The following KIAA1671 variants were observed in gnomAD, a reference collection of about 807,000 sequenced individuals.
The protein encoded by KIAA1671 is uncharacterized protein KIAA1671.
Under a neutral mutation model 131.2 loss-of-function variants are expected in KIAA1671, and 52 were observed. The observed-to-expected ratio is 0.40, with a 90% CI of 0.32 to 0.50. The LOEUF (loss-of-function observed/expected upper bound fraction) is 0.50, where lower values mean the gene tolerates loss of function less well. Among genes scored for constraint, KIAA1671 ranks in the 20% least tolerant of loss-of-function variants. The pLI, the probability that KIAA1671 is intolerant of heterozygous loss-of-function variation, is 0.73. For missense variants in KIAA1671, 2,360 were observed against 2,364.2 expected, an observed-to-expected ratio of 1.00 and a Z score of 0.04; for synonymous variants, 1,003 against 961.6, an observed-to-expected ratio of 1.04 and a Z score of -0.80.
intron 1 of KIAA1671, among the ~76,000 whole-genome samples, chr22:25,007,241 A>C (rs1406669866): frequency 6.6e-6 from 1 of 152,146 alleles, no homozygotes; most frequent in African/African-American, 2.4e-5. Context: ...TAATCCCAGC[A>C]CTTTGGGAGG....
At chr22:24,956,110 G>A (rs1250741631) in intron 1 of KIAA1671, among the ~76,000 whole-genome samples, 2 of 152,206 alleles carry the variant, frequency 1.3e-5, no homozygotes, top group Admixed American at 1.3e-4. Context: ...GAGACCAATG[G>A]TGTTGGAGGG....
At chr22:25,000,578 G>A (rs111871964) in intron 1 of KIAA1671, among the ~76,000 whole-genome samples, 3,249 of 150,106 alleles carry the variant, frequency 0.022, 62 homozygotes, top group Non-Finnish European at 0.033. Flanking sequence ...GTTCAGTGGC[G>A]CAGTCTTGGC....
At chr22:25,173,314 T>C (rs1008866158) in intron 7 of KIAA1671, among the ~76,000 whole-genome samples, 1 of 152,174 alleles carries the variant, frequency 6.6e-6, no homozygotes, top group African/African-American at 2.4e-5. Flanking sequence ...ACTTGTAGGA[T>C]TGTGGCAGTT....
chr22:25,167,881 G>GT (rs1461249062), intron 6 of KIAA1671, among the ~76,000 whole-genome samples: 2 of 152,214 alleles, frequency 1.3e-5, no homozygotes. Context: ...TTTATGGGAT[G>GT]TTTCCTGAGT....
At chr22:25,180,535 T>C (rs1225743531) in intron 9 of KIAA1671, among the ~76,000 whole-genome samples, 1 of 130,570 alleles carries the variant, frequency 7.7e-6, no homozygotes, top group Non-Finnish European at 1.7e-5. Context: ...AGACTCTGTC[T>C]CAAAAAAAAA....
At chr22:25,042,754 C>T (rs994754322) in intron 5 of KIAA1671, among the ~76,000 whole-genome samples, 13 of 151,894 alleles carry the variant, frequency 8.6e-5, no homozygotes, top group African/African-American at 2.2e-4. Context: ...ATTACAGGCG[C>T]GAGCCACTGC....
chr22:25,165,171 A>T (rs1187406153), intron 6 of KIAA1671, among the ~76,000 whole-genome samples: 1 of 152,194 alleles, frequency 6.6e-6, no homozygotes, highest in African/African-American at 2.4e-5. Context: ...GCTGATTAAC[A>T]GCTTGCTTTC....
intron 1 of KIAA1671, among the ~76,000 whole-genome samples, chr22:24,983,760 GA>G (rs2123833300): frequency 6.6e-6 from 1 of 151,062 alleles, no homozygotes; most frequent in Non-Finnish European, 1.5e-5. Flanking sequence ...TGGGGCCATG[GA>G]AAGGTGTTTG....
chr22:24,998,018 CA>C (rs1452224326), intron 1 of KIAA1671, among the ~76,000 whole-genome samples: 2 of 152,142 alleles, frequency 1.3e-5, no homozygotes, highest in Non-Finnish European at 2.9e-5. Flanking sequence ...CGTATTTATC[CA>C]TGTTTTCTTC....
chr22:24,970,516 A>G (rs1447167470), intron 1 of KIAA1671, among the ~76,000 whole-genome samples: 1 of 152,072 alleles, frequency 6.6e-6, no homozygotes, highest in Non-Finnish European at 1.5e-5. Flanking sequence ...AATGAGGCTA[A>G]TGGTAGGGCT....
At chr22:25,005,605 A>G (rs1234279431) in intron 1 of KIAA1671, among the ~76,000 whole-genome samples, 2 of 152,152 alleles carry the variant, frequency 1.3e-5, no homozygotes, top group South Asian at 2.1e-4. Flanking sequence ...TCATTAACCC[A>G]AGACCTCTAC....
intron 1 of KIAA1671, among the ~76,000 whole-genome samples, chr22:24,967,322 C>T (rs1396665520): frequency 2.6e-5 from 4 of 152,122 alleles, no homozygotes; most frequent in African/African-American, 9.7e-5. Flanking sequence ...AACGGAGGCT[C>T]AGAAAGATAA....
chr22:25,041,221 C>A lies in KIAA1671; in HGVS notation c.4091C>A (p.Pro1364His). ...EDPGSGVRVSPKSPPTDQKKG... is the reference protein window; with the variant it reads ...EDPGSGVRVSHKSPPTDQKKG... ...CCAGGCAGTGGGGTCAGGGTGTCAC[C>A]CAAATCGCCCCCCACTGACCAGAAG... The change falls in exon 5 of 13, where the codon CCC (proline) becomes CAC (histidine). Residue 1364 changes from proline (P) to histidine (H), a missense_variant. Physicochemically the swap from Pro to His is moderately conservative, Grantham distance 77. This residue lies in a region of KIAA1671 where 1,161 missense variants were observed against 1,204.7 expected (regional missense o/e 0.96). Coordinates refer to ENST00000358431, the MANE Select transcript of KIAA1671 (RefSeq NM_001145206.2). 6.4e-6 allele frequency: 10 copies of A among 1,551,754 alleles called. No individual in the cohort carries two copies. In the South Asian group the frequency reaches 1.2e-4, roughly 18 times the overall value.
At position 25,174,315 on chromosome 22, in the gene KIAA1671, G is replaced by C. The variant is rs1327371001; in HGVS notation, c.4725G>C (p.Leu1575=). ...CCCCCAGCAGCCGTTTGTCTTCTCT[G>C]TCCTCCCAAACGGAGCCCACCTCGG... is the stretch of plus-strand genomic sequence containing the variant. ...KQPPSSRLSS[L]SSQTEPTSAG... The change falls in exon 8 of 13, where the codon CTG becomes CTC. Residue 1575 remains leucine (L), a synonymous_variant. Transcript: ENST00000358431. The C allele has an allele frequency of 2.6e-6, 4 of 1,551,712 alleles. No homozygotes were observed. The highest frequency in any genetic ancestry group is 3.5e-6 in the Non-Finnish European group (4 of 1,147,054).
chr22:25,035,887 A>C (rs2145798923), intron 4 of KIAA1671, among the ~76,000 whole-genome samples: 1 of 152,134 alleles, frequency 6.6e-6, no homozygotes, highest in East Asian at 1.9e-4. Flanking sequence ...GTGTGTGTGT[A>C]TGTGGGTGTG....
intron 6 of KIAA1671, among the ~76,000 whole-genome samples, chr22:25,092,601 G>A (rs1044909302): frequency 2.0e-5 from 3 of 152,156 alleles, no homozygotes; most frequent in Non-Finnish European, 4.4e-5. Flanking sequence ...GGAGGCCAGT[G>A]GCAGTGGGGA....
At chr22:24,965,032 C>T (rs144735346) in intron 1 of KIAA1671, among the ~76,000 whole-genome samples, 1 of 151,308 alleles carries the variant, frequency 6.6e-6, no homozygotes, top group Non-Finnish European at 1.5e-5. Context: ...GACAAAATTT[C>T]TTCCATGAGG....
intron 1 of KIAA1671, among the ~76,000 whole-genome samples, chr22:24,974,512 A>G (rs1569195977): frequency 6.6e-6 from 1 of 152,006 alleles, no homozygotes; most frequent in East Asian, 1.9e-4. Flanking sequence ...AGGTAAAGCT[A>G]ATGCATGAGC....
chr22:25,090,421 G>C (rs1035193604), intron 6 of KIAA1671, among the ~76,000 whole-genome samples: 2 of 152,224 alleles, frequency 1.3e-5, no homozygotes, highest in African/African-American at 4.8e-5. Flanking sequence ...TGTTATCTGG[G>C]TAGCTGTTAG....
Sources: gnomAD v4.1 joint callset for allele counts (sites outside exome capture counted in the v4.1 genomes callset) on GRCh38, gnomAD v4.1.1 for gene constraint, gnomAD v4.1.1 regional missense constraint, MANE v1.5 for transcripts, NCBI Gene and HGNC (gene_info 2026-07-23, HGNC 2026-07-21) for gene names.